SIX3: variants seen among roughly 807,000 people sequenced by gnomAD.
SIX3 encodes the protein SIX homeobox 3.
Under a neutral mutation model 21.7 loss-of-function variants are expected in SIX3, and 2 were observed. That is an observed-to-expected ratio of 0.09 (90% CI 0.04 to 0.29). The LOEUF is 0.29. Ranked by LOEUF, SIX3 falls within the 10% of genes least tolerant of loss-of-function variation. SIX3 has a pLI of 1.00. For missense variants in SIX3, 347 were observed against 480.7 expected (o/e 0.72, Z 2.60); for synonymous variants, 243 against 220.6 (o/e 1.10, Z -0.90).
chr2:44,942,161 C>G lies in SIX3; in HGVS notation c.57C>G (p.Phe19Leu), dbSNP rs1666588321. ...LYSSHFLLPNFADSHHRSILL... is the reference protein window; with the variant it reads ...LYSSHFLLPNLADSHHRSILL... ...CCTCCCACTTCTTGTTGCCAAACTT[C>G]GCCGATTCTCACCACCGCTCCATAC... The change falls in exon 1 of 2, where the codon TTC (phenylalanine) becomes TTG (leucine). Residue 19 changes from phenylalanine (F) to leucine (L), a missense_variant. Physicochemically the swap from Phe to Leu is conservative, Grantham distance 22. Around this residue, in one of 4 missense-constraint regions of SIX3, gnomAD observed 105 missense variants for 116.1 expected, o/e 0.90. Coordinates refer to ENST00000260653, the MANE Select transcript of SIX3 (RefSeq NM_005413.4). This position sits in a 1 kb window ranked among gnomAD's most constrained non-coding sequence, Gnocchi z 8.4. 6.3e-7 allele frequency: 1 copy of G among 1,598,426 alleles called. No homozygotes were observed. The highest frequency in any genetic ancestry group is 1.3e-5 in the African/African-American group (1 of 74,960).
At position 44,944,639 on chromosome 2, in the gene SIX3, C is replaced by T. The variant is rs1017986805; in HGVS notation, c.878C>T (p.Ser293Leu). Reference protein sequence around the residue: ...LAEPGCPTHGSAESPSTAASP... With the variant: ...LAEPGCPTHGLAESPSTAASP... ...GAGCCCGGCTGCCCCACGCACGGCT[C>T]GGCAGAGTCGCCGTCCACGGCGGCC... Residue 293 changes from serine (S) to leucine (L), a missense_variant, in exon 2 of 2, where the codon TCG becomes TTG. Ser to Leu is a moderately radical substitution (Grantham distance 145). Around this residue, in one of 4 missense-constraint regions of SIX3, gnomAD observed 110 missense variants for 93.3 expected, o/e 1.18. Transcript: ENST00000260653. 2 of 1,573,812 alleles carry T rather than the reference C, an allele frequency of 1.3e-6. No individual in the cohort carries two copies. Among genetic ancestry groups the T allele is most frequent in the Non-Finnish European group, 1.7e-6 (2 of 1,167,704 alleles).
intron 1 of SIX3, among the ~76,000 whole-genome samples, chr2:44,943,678 A>G (rs1436524073): frequency 1.3e-5 from 2 of 152,236 alleles, no homozygotes; most frequent in South Asian, 2.1e-4. Context: ...AACCAGAGGG[A>G]AAGAAGTGGA....
chr2:44,942,159 T>C lies in SIX3; in HGVS notation c.55T>C (p.Phe19Leu). The C allele has an allele frequency of 6.3e-7, 1 of 1,598,010 alleles. No individual in the cohort carries two copies. Among genetic ancestry groups the C allele is most frequent in the South Asian group, 1.1e-5 (1 of 91,040 alleles). Residue 19 changes from phenylalanine to leucine, a missense_variant, in exon 1 of 2, where the codon TTC becomes CTC. Physicochemically the swap from Phe to Leu is conservative, Grantham distance 22. Around this residue, in one of 4 missense-constraint regions of SIX3, gnomAD observed 105 missense variants for 116.1 expected, o/e 0.90. Transcript: ENST00000260653. This position sits in a 1 kb window ranked among gnomAD's most constrained non-coding sequence, Gnocchi z 8.4. ...LYSSHFLLPN[F>L]ADSHHRSILL... ...TTCCTCCCACTTCTTGTTGCCAAAC[T>C]TCGCCGATTCTCACCACCGCTCCAT...
At position 44,944,686 on chromosome 2, in the gene SIX3, A is replaced by G. The variant is rs1242996743; in HGVS notation, c.925A>G (p.Ser309Gly). Residue 309 changes from serine to glycine, a missense_variant, in exon 2 of 2, where the codon AGC becomes GGC. By Grantham distance (56) the Ser-to-Gly change is moderately conservative (BLOSUM62 0). Transcript: ENST00000260653. ...TAASPTTSVS[S>G]LTERADTGTS... ...GGCCAGCCCGACCACCAGCGTGTCC[A>G]GCCTGACGGAGCGCGCAGACACCGG... 1 of 1,585,004 alleles carries G rather than the reference A, an allele frequency of 6.3e-7. No individual in the cohort carries two copies. Among genetic ancestry groups the G allele is most frequent in the Non-Finnish European group, 8.5e-7 (1 of 1,173,304 alleles).
chr2:44,942,103 C>G lies in SIX3; in HGVS notation c.-2C>G, dbSNP rs761312566. On this transcript the variant is annotated 5_prime_UTR_variant, in exon 1 of 2. Transcript: ENST00000260653. This position sits in a 1 kb window ranked among gnomAD's most constrained non-coding sequence, Gnocchi z 8.4. ...TTTTCTCCTCTCCTCTCAGGTCAGTCCATGGTATTCCGCTCCCCCCTAGAC... is the reference window on the plus strand; with the variant it reads ...TTTTCTCCTCTCCTCTCAGGTCAGTGCATGGTATTCCGCTCCCCCCTAGAC... 2.5e-6 allele frequency: 4 copies of G among 1,591,358 alleles called. No homozygotes were observed. The highest frequency in any genetic ancestry group is 3.4e-6 in the Non-Finnish European group (4 of 1,174,936).
rs753054738 is a variant in SIX3, at chr2:44,942,816, G to A, written c.712G>A (p.Glu238Lys). 6.3e-7 allele frequency: 1 copy of A among 1,599,572 alleles called. No individual in the cohort carries two copies. Among genetic ancestry groups the A allele is most frequent in the Non-Finnish European group, 8.5e-7 (1 of 1,179,912 alleles). Residue 238 changes from glutamate to lysine, a missense_variant, in exon 1 of 2, where the codon GAA (glutamate) becomes AAA (lysine). Glu to Lys is a moderately conservative substitution (Grantham distance 56, BLOSUM62 1). Around this residue, in one of 4 missense-constraint regions of SIX3, gnomAD observed 15 missense variants for 65.4 expected, o/e 0.23. Transcript: ENST00000260653. The surrounding 1 kb of genome is among the most constrained non-coding windows in gnomAD (Gnocchi z 8.4). ...CTACCCCAACCCCAGCAAGAAACGCGAACTGGCGCAGGCCACCGGCCTCAC... is the reference window on the plus strand; with the variant it reads ...CTACCCCAACCCCAGCAAGAAACGCAAACTGGCGCAGGCCACCGGCCTCAC... ...DPYPNPSKKR[E>K]LAQATGLTPT...
In SIX3 at chr2:44,941,975, TC is replaced by T; in HGVS notation, c.-124del. 6.9e-6 allele frequency: 4 copies of T among 579,656 alleles called. No individual in the cohort carries two copies. The highest frequency in any genetic ancestry group is 3.9e-5 in the East Asian group (1 of 25,840). The allele number at this position is 579,656 out of a possible 1,614,324, so 35.9% of individuals were successfully genotyped here. On this transcript the variant is annotated 5_prime_UTR_variant, in exon 1 of 2. An upstream open reading frame in the 5' UTR loses its in-frame stop. Coordinates refer to ENST00000260653, the MANE Select transcript of SIX3 (RefSeq NM_005413.4). The stretch of plus-strand genomic sequence containing the variant: ...TTCCTCCTCTCCCTCCTCCTCCTGC[TC>T]CCCCCTCCTTTCCTTCTCCTCCTCC...
chr2:44,943,765 T>C (rs1295167491), intron 1 of SIX3, among the ~76,000 whole-genome samples: 2 of 152,210 alleles, frequency 1.3e-5, no homozygotes, highest in African/African-American at 2.4e-5. Context: ...AGCCTGTGTC[T>C]TTCTCTATCC....
Position 44,944,630 on chromosome 2 carries a change from C to G in SIX3, c.869C>G (p.Thr290Arg). ...MRSLAEPGCPTHGSAESPSTA... is the reference protein window; with the variant it reads ...MRSLAEPGCPRHGSAESPSTA... Reference sequence around the variant, plus strand: ...TCGCTGGCCGAGCCCGGCTGCCCCACGCACGGCTCGGCAGAGTCGCCGTCC... The same window carrying G: ...TCGCTGGCCGAGCCCGGCTGCCCCAGGCACGGCTCGGCAGAGTCGCCGTCC... Residue 290 changes from threonine to arginine, a missense_variant, in exon 2 of 2, where the codon ACG (threonine) becomes AGG (arginine). Coordinates refer to ENST00000260653, the MANE Select transcript of SIX3 (RefSeq NM_005413.4). 1.3e-6 allele frequency: 2 copies of G among 1,574,362 alleles called. No individual in the cohort carries two copies. The highest frequency in any genetic ancestry group is 1.7e-6 in the Non-Finnish European group (2 of 1,167,644).
chr2:44,942,553 A>T lies in SIX3; in HGVS notation c.449A>T (p.His150Leu). ...FHTGNFRDLYHILENHKFTKE... is the reference protein window; with the variant it reads ...FHTGNFRDLYLILENHKFTKE... The stretch of plus-strand genomic sequence containing the variant: ...ACGGGCAACTTCCGCGACCTCTACC[A>T]CATCCTTGAGAACCACAAGTTCACC... The change falls in exon 1 of 2, where the codon CAC (histidine) becomes CTC (leucine). Residue 150 changes from histidine to leucine, a missense_variant. By Grantham distance (99) the His-to-Leu change is moderately conservative. Transcript: ENST00000260653. This position sits in a 1 kb window ranked among gnomAD's most constrained non-coding sequence, Gnocchi z 8.4. The T allele has an allele frequency of 6.3e-7, 1 of 1,598,552 alleles. No homozygotes were observed. Among genetic ancestry groups the T allele is most frequent in the Non-Finnish European group, 8.5e-7 (1 of 1,179,788 alleles).
rs758696758 is a variant in SIX3, at chr2:44,942,215, T to C, written c.111T>C (p.Gly37=). The C allele has an allele frequency of 1.3e-5, 20 of 1,588,788 alleles. No individual in the cohort carries two copies. Among genetic ancestry groups the C allele is most frequent in the Non-Finnish European group, 1.7e-5 (20 of 1,174,420 alleles). ...TGGCGAGTAGCGGCGGCGGGAACGG[T>C]GCGGGAGGCGGCGGCGGCGCGGGAG... is the stretch of plus-strand genomic sequence containing the variant. ...ILLASSGGGN[G]AGGGGGAGGG... Residue 37 remains glycine, a synonymous_variant, in exon 1 of 2, where the codon GGT becomes GGC. Transcript: ENST00000260653. This position sits in a 1 kb window ranked among gnomAD's most constrained non-coding sequence, Gnocchi z 8.4.
chr2:44,944,822 C>T lies in SIX3; in HGVS notation c.*62C>T. On this transcript the variant is annotated 3_prime_UTR_variant, in exon 2 of 2. Transcript: ENST00000260653. ...TCCCCCACTCCTTCCCCTCCGCCTCCTAGCCCTCCTCCTCTTCCTCCTCTT... is the reference window on the plus strand; with the variant it reads ...TCCCCCACTCCTTCCCCTCCGCCTCTTAGCCCTCCTCCTCTTCCTCCTCTT... 7.0e-7 allele frequency: 1 copy of T among 1,426,616 alleles called. No homozygotes were observed. Among genetic ancestry groups the T allele is most frequent in the South Asian group, 1.2e-5 (1 of 82,016 alleles). 88.4% of individuals were successfully genotyped at this position (1,426,616 alleles called of 1,614,324 possible).
Position 44,942,200 on chromosome 2 carries a change from C to T in SIX3, c.96C>T (p.Ser32=), listed in dbSNP as rs202214767. ...ACCGCTCCATACTTCTGGCGAGTAG[C>T]GGCGGCGGGAACGGTGCGGGAGGCG... is the stretch of plus-strand genomic sequence containing the variant. The part of the protein sequence containing the change: ...SHHRSILLAS[S]GGGNGAGGGG... Residue 32 remains serine, a synonymous_variant, in exon 1 of 2, where the codon AGC becomes AGT. Coordinates refer to ENST00000260653, the MANE Select transcript of SIX3 (RefSeq NM_005413.4). This position sits in a 1 kb window ranked among gnomAD's most constrained non-coding sequence, Gnocchi z 8.4. 7.3e-5 allele frequency: 117 copies of T among 1,595,410 alleles called. No individual in the cohort carries two copies. The African/African-American group carries it at 1.5e-3, about 20-fold the overall frequency.
chr2:44,943,549 C>G (rs909163010), intron 1 of SIX3, among the ~76,000 whole-genome samples: 1 of 152,222 alleles, frequency 6.6e-6, no homozygotes, highest in African/African-American at 2.4e-5. Flanking sequence ...CCCTTTGGTC[C>G]TCTAAGCTGG....
chr2:44,944,382 C>T (rs548089409), intron 1 of SIX3, among the ~76,000 whole-genome samples, 186 bp from the exon 2 acceptor site: 1 of 152,346 alleles, frequency 6.6e-6, no homozygotes, highest in East Asian at 1.9e-4. Flanking sequence ...CAGGGCTTGG[C>T]GTACTTTGTC....
chr2:44,945,092 G>C lies in SIX3; in HGVS notation c.*332G>C, dbSNP rs1666664828. On this transcript the variant is annotated 3_prime_UTR_variant, in exon 2 of 2. Transcript: ENST00000260653. ...AGAAAACATAAAAGAGGTGACAATT[G>C]TATACTTTCTAGGACAAGCACGGCT... is the stretch of plus-strand genomic sequence containing the variant. 1 of 417,500 alleles carries C rather than the reference G, an allele frequency of 2.4e-6. No homozygotes were observed. Among genetic ancestry groups the C allele is most frequent in the African/African-American group, 2.0e-5 (1 of 49,170 alleles). 25.9% of individuals were successfully genotyped at this position (417,500 alleles called of 1,614,324 possible). A position where few individuals can be genotyped will look rare whatever the true frequency, so the allele number is the denominator to read the frequency against.
In SIX3 at chr2:44,942,052, C is replaced by T. The variant is rs1666582086; in HGVS notation, c.-53C>T. 2.1e-6 allele frequency: 3 copies of T among 1,445,202 alleles called. No individual in the cohort carries two copies. The highest frequency in any genetic ancestry group is 3.4e-5 in the Admixed American group (2 of 58,954). The allele number at this position is 1,445,202 out of a possible 1,614,324, so 89.5% of individuals were successfully genotyped here. ...CCTCATCGCCCCTCTCCTCCTCTTCCTCCCCTCTCTCTTCCTCTCCCTGAA... is the reference window on the plus strand; with the variant it reads ...CCTCATCGCCCCTCTCCTCCTCTTCTTCCCCTCTCTCTTCCTCTCCCTGAA... On this transcript the variant is annotated 5_prime_UTR_variant, in exon 1 of 2. Coordinates refer to ENST00000260653, the MANE Select transcript of SIX3 (RefSeq NM_005413.4). This position sits in a 1 kb window ranked among gnomAD's most constrained non-coding sequence, Gnocchi z 8.4.
At position 44,944,583 on chromosome 2, in the gene SIX3, C is replaced by A; in HGVS notation, c.822C>A (p.Ala274=). The change falls in exon 2 of 2, where the codon GCC becomes GCA. Residue 274 remains alanine (A), a synonymous_variant. Coordinates refer to ENST00000260653, the MANE Select transcript of SIX3 (RefSeq NM_005413.4). The stretch of plus-strand genomic sequence containing the variant: ...TCTCCCGCAGGCTCCAGCACCAGGC[C>A]ATTGGACCGAGCGGCATGCGCTCGC... ...AAAKNRLQHQ[A]IGPSGMRSLA... 1 of 1,578,590 alleles carries A rather than the reference C, an allele frequency of 6.3e-7. No homozygotes were observed.
Position 44,944,856 on chromosome 2 carries a change from TC to T in SIX3, c.*98del. On this transcript the variant is annotated 3_prime_UTR_variant, in exon 2 of 2. Transcript: ENST00000260653. ...CTCCTCTTCCTCCTCTTCCTTCTCC[TC>T]CTCCATCCCCAGAACAAACCGAAAT... 1 of 1,160,516 alleles carries T rather than the reference TC, an allele frequency of 8.6e-7. No individual in the cohort carries two copies. The highest frequency in any genetic ancestry group is 1.2e-6 in the Non-Finnish European group (1 of 812,762). The allele number at this position is 1,160,516 out of a possible 1,614,324, so 71.9% of individuals were successfully genotyped here.
Sources: gnomAD v4.1 joint callset for allele counts (sites outside exome capture counted in the v4.1 genomes callset) on GRCh38, gnomAD v4.1.1 for gene constraint, gnomAD v4.1.1 regional missense constraint, Gnocchi (gnomAD v3.1) non-coding constraint, MANE v1.5 for transcripts, NCBI Gene and HGNC (gene_info 2026-07-23, HGNC 2026-07-21) for gene names.